PLA2G4A: variants seen among roughly 807,000 people sequenced by gnomAD.
The protein encoded by PLA2G4A is phospholipase A2 group IVA.
In PLA2G4A, 40 loss-of-function variants were observed where a neutral mutation model predicts 81.9. The ratio of observed to expected loss-of-function variants is 0.49; its 90% CI spans 0.38 to 0.64. PLA2G4A has a LOEUF of 0.64. Among genes scored for constraint, PLA2G4A ranks in the 30% least tolerant of loss-of-function variants. The pLI, the probability that PLA2G4A is intolerant of heterozygous loss-of-function variation, is 0.00. For synonymous variants in PLA2G4A, 302 were observed against 296.9 expected (o/e 1.02, Z -0.18); for missense variants, 715 against 905.1 (o/e 0.79, Z 2.69).
At chr1:186,942,958 A>G (rs1446426215) in intron 10 of PLA2G4A, among the ~76,000 whole-genome samples, 2 of 152,192 alleles carry the variant, frequency 1.3e-5, no homozygotes, top group African/African-American at 4.8e-5. Flanking sequence ...CCCAGATAAG[A>G]CATCTTAAGG....
chr1:186,879,387 T>G (rs1177750659), intron 3 of PLA2G4A, among the ~76,000 whole-genome samples: 3 of 152,020 alleles, frequency 2.0e-5, no homozygotes, highest in African/African-American at 7.2e-5. Context: ...TGCTATGTAG[T>G]TAGTACTTAT....
At chr1:186,905,721 C>CAT (rs1020989489) in intron 5 of PLA2G4A, among the ~76,000 whole-genome samples, 18 of 151,966 alleles carry the variant, frequency 1.2e-4, no homozygotes, top group Middle Eastern at 3.4e-3. Context: ...CACACACACA[C>CAT]AAACGAACAG....
intron 2 of PLA2G4A, among the ~76,000 whole-genome samples, chr1:186,857,077 T>TAATATATATTAGATAATA (rs1468383735): frequency 5.5e-5 from 1 of 18,204 alleles, no homozygotes; most frequent in Non-Finnish European, 8.0e-5. Flanking sequence ...CCCACATATA[T>TAATATATATTAGATAATA]TATACATATA....
intron 5 of PLA2G4A, 80 bp from the exon 6 acceptor site, chr1:186,906,885 A>T: frequency 1.3e-6 from 1 of 758,044 alleles, no homozygotes; most frequent in Non-Finnish European, 2.3e-6. Flanking sequence ...CTGGCACTCA[A>T]AATTTATTTT....
intron 10 of PLA2G4A, among the ~76,000 whole-genome samples, chr1:186,940,355 A>G (rs1656104699): frequency 6.6e-6 from 1 of 152,248 alleles, no homozygotes; most frequent in African/African-American, 2.4e-5. Flanking sequence ...AATACAGTCA[A>G]TTAATTATCC....
At chr1:186,948,814 G>C (rs1316869141) in intron 12 of PLA2G4A, among the ~76,000 whole-genome samples, 1 of 152,110 alleles carries the variant, frequency 6.6e-6, no homozygotes, top group Non-Finnish European at 1.5e-5. Context: ...GGGGAATATC[G>C]TGTATGTGTG....
intron 1 of PLA2G4A, among the ~76,000 whole-genome samples, chr1:186,845,196 G>A (rs1317563624): frequency 6.6e-6 from 1 of 151,934 alleles, no homozygotes; most frequent in Non-Finnish European, 1.5e-5. Flanking sequence ...GACAGAGTGA[G>A]ACTCCATCAA....
At chr1:186,932,964 A>T in intron 8 of PLA2G4A, 65 bp downstream of exon 8, 1 of 1,170,620 alleles carries the variant, frequency 8.5e-7, no homozygotes, top group South Asian at 1.3e-5. Context: ...TAACTCAAGC[A>T]CTAGAAGAGA....
chr1:186,873,854 A>G (rs1275486849), intron 3 of PLA2G4A, among the ~76,000 whole-genome samples: 5 of 152,166 alleles, frequency 3.3e-5, no homozygotes, highest in African/African-American at 9.6e-5. Flanking sequence ...GACAGCTGCC[A>G]GTTCCTTCCC....
chr1:186,873,627 G>A (rs1653366120), intron 3 of PLA2G4A, among the ~76,000 whole-genome samples: 1 of 152,032 alleles, frequency 6.6e-6, no homozygotes, highest in Non-Finnish European at 1.5e-5. Context: ...AAAGAGGATA[G>A]TGCTAAGGTT....
chr1:186,913,939 T>C (rs978257525), intron 7 of PLA2G4A, among the ~76,000 whole-genome samples: 1 of 152,182 alleles, frequency 6.6e-6, no homozygotes, highest in African/African-American at 2.4e-5. Flanking sequence ...ACTGATGCTA[T>C]AGTGACTTGT....
At chr1:186,851,010 T>C (rs1178660326) in intron 1 of PLA2G4A, among the ~76,000 whole-genome samples, 2 of 152,050 alleles carry the variant, frequency 1.3e-5, no homozygotes, top group East Asian at 1.9e-4. Flanking sequence ...AAGCAAATCA[T>C]ATGCATTGAA....
At chr1:186,907,996 A>T (rs1654802249) in intron 6 of PLA2G4A, among the ~76,000 whole-genome samples, 2 of 152,200 alleles carry the variant, frequency 1.3e-5, no homozygotes, top group Non-Finnish European at 2.9e-5. Flanking sequence ...AGCGGGGAAT[A>T]GTCTTCACTG....
intron 15 of PLA2G4A, among the ~76,000 whole-genome samples, chr1:186,966,886 CTCTG>C (rs1657152119): frequency 6.6e-6 from 1 of 152,240 alleles, no homozygotes; most frequent in African/African-American, 2.4e-5. Flanking sequence ...GAACTCTGTT[CTCTG>C]TCTGTGTTTA....
chr1:186,966,283 C>G (rs943030433), intron 15 of PLA2G4A, among the ~76,000 whole-genome samples: 7 of 151,298 alleles, frequency 4.6e-5, no homozygotes, highest in African/African-American at 1.7e-4. Flanking sequence ...GGCTAGGAGT[C>G]GTTAATGAAG....
chr1:186,856,783 G>C (rs939280937), intron 2 of PLA2G4A, among the ~76,000 whole-genome samples: 1 of 151,734 alleles, frequency 6.6e-6, no homozygotes, highest in Non-Finnish European at 1.5e-5. Flanking sequence ...GGATTTCTAG[G>C]GGAAGTAAGA....
chr1:186,951,334 G>A (rs543360874), intron 13 of PLA2G4A, among the ~76,000 whole-genome samples: 6 of 152,146 alleles, frequency 3.9e-5, no homozygotes, highest in African/African-American at 1.4e-4. Flanking sequence ...CAGAGATAAG[G>A]TGAGGATCAG....
chr1:186,886,873 G>A (rs924007209), intron 3 of PLA2G4A, among the ~76,000 whole-genome samples: 7 of 152,044 alleles, frequency 4.6e-5, no homozygotes, highest in Admixed American at 2.6e-4. Context: ...TTTTTCTGTG[G>A]GTGTTATTAT....
At chr1:186,854,442 G>A in intron 2 of PLA2G4A, 55 bp downstream of exon 2, 1 of 1,142,882 alleles carries the variant, frequency 8.7e-7, no homozygotes, top group Non-Finnish European at 1.3e-6. Context: ...ATATGTTTCT[G>A]TGAATATTGC....
Sources: allele counts gnomAD v4.1 joint callset (sites outside exome capture counted in the v4.1 genomes callset), GRCh38; gene constraint gnomAD v4.1.1; transcripts MANE v1.5; gene names NCBI Gene and HGNC (gene_info 2026-07-23, HGNC 2026-07-21).